The following IL1RAPL1 variants were observed in gnomAD, a reference collection of about 807,000 sequenced individuals.
IL1RAPL1 encodes interleukin-1 receptor accessory protein-like 1.
IL1RAPL1 carries 3 observed loss-of-function variants against 48.4 expected under a neutral mutation model. That is an observed-to-expected ratio of 0.06 (90% confidence interval 0.03 to 0.16). The LOEUF (loss-of-function observed/expected upper bound fraction) is 0.16, where lower values mean the gene tolerates loss of function less well. Among genes scored for constraint, IL1RAPL1 ranks in the 10% least tolerant of loss-of-function variants. The pLI is 1.00. For missense variants in IL1RAPL1, 349 were observed against 530.6 expected (o/e 0.66, Z 3.36); for synonymous variants, 185 against 187.7 (o/e 0.99, Z 0.12).
At chrX:29,784,943 AAG>A (rs962084673) in intron 6 of IL1RAPL1, among the ~76,000 whole-genome samples, 2 of 112,121 alleles carry the variant, frequency 1.8e-5, no homozygotes, top group African/African-American at 6.5e-5. Context: ...GTTCAATACT[AAG>A]ACATTGATAC....
intron 1 of IL1RAPL1, among the ~76,000 whole-genome samples, chrX:28,714,786 G>A (rs1935483015): frequency 8.9e-6 from 1 of 112,070 alleles, no homozygotes; most frequent in Non-Finnish European, 1.9e-5. Context: ...ATGGATGGCT[G>A]AGCTTTTCTG....
intron 6 of IL1RAPL1, among the ~76,000 whole-genome samples, chrX:29,790,307 T>C (rs973090448): frequency 8.9e-6 from 1 of 111,982 alleles, no homozygotes; most frequent in East Asian, 2.8e-4. Flanking sequence ...TTAATTTCTG[T>C]TTAATTCCCC....
intron 1 of IL1RAPL1, among the ~76,000 whole-genome samples, chrX:28,742,291 CA>C (rs1461031500): frequency 9.0e-6 from 1 of 111,093 alleles, no homozygotes; most frequent in Non-Finnish European, 1.9e-5. Context: ...AGACGGCAAC[CA>C]AAGACTAAAA....
chrX:29,445,183 A>G (rs1046387170), intron 5 of IL1RAPL1, among the ~76,000 whole-genome samples: 7 of 111,838 alleles, frequency 6.3e-5, no homozygotes, highest in African/African-American at 2.0e-4. Flanking sequence ...AGTCATATAA[A>G]CCTCTATTTT....
intron 6 of IL1RAPL1, among the ~76,000 whole-genome samples, chrX:29,852,739 A>G (rs896818949): frequency 2.7e-5 from 3 of 111,742 alleles, no homozygotes; most frequent in Admixed American, 9.5e-5. Context: ...ATTAGCTTCA[A>G]TTTTCAAGAG....
At chrX:29,499,083 G>C (rs1258075851) in intron 5 of IL1RAPL1, among the ~76,000 whole-genome samples, 1 of 111,804 alleles carries the variant, frequency 8.9e-6, no homozygotes, top group East Asian at 2.8e-4. Context: ...ATAATATCTT[G>C]GGTCTCAACA....
chrX:28,627,141 A>C (rs1236607929), intron 1 of IL1RAPL1, among the ~76,000 whole-genome samples: 1 of 112,158 alleles, frequency 8.9e-6, no homozygotes, highest in Non-Finnish European at 1.9e-5. Context: ...TGTGCATTTT[A>C]AACAGTTCTC....
intron 2 of IL1RAPL1, among the ~76,000 whole-genome samples, chrX:28,890,478 G>C (rs1922743778): frequency 9.0e-6 from 1 of 111,241 alleles, no homozygotes; most frequent in Admixed American, 9.6e-5. Context: ...AATATTCAAA[G>C]CACCAAGGAA....
intron 2 of IL1RAPL1, among the ~76,000 whole-genome samples, chrX:28,987,534 A>AC (rs1925503840): frequency 9.0e-6 from 1 of 111,574 alleles, no homozygotes; most frequent in Non-Finnish European, 1.9e-5. Flanking sequence ...ACACACACAC[A>AC]CTTGCATTTC....
intron 1 of IL1RAPL1, among the ~76,000 whole-genome samples, chrX:28,721,549 G>A (rs150244016): frequency 2.7e-5 from 3 of 111,291 alleles, no homozygotes; most frequent in Non-Finnish European, 5.6e-5. Context: ...TAGGTTGCCT[G>A]TGCACTCTGA....
intron 5 of IL1RAPL1, 139 bp downstream of exon 5, chrX:29,399,447 A>G (rs1224680901): frequency 1.3e-4 from 64 of 506,308 alleles, no homozygotes; most frequent in Non-Finnish European, 1.6e-4. Context: ...GGTGAAATTT[A>G]TTCCTCCTTG....
chrX:29,302,984 G>A (rs911551583), intron 3 of IL1RAPL1, among the ~76,000 whole-genome samples: 3 of 112,177 alleles, frequency 2.7e-5, no homozygotes, highest in South Asian at 3.7e-4. Flanking sequence ...AGTTATACCC[G>A]AAGGGAGAGG....
chrX:29,221,620 T>TAC (rs35088625), intron 2 of IL1RAPL1, among the ~76,000 whole-genome samples: 2,649 of 79,307 alleles, frequency 0.033, 34 homozygotes, highest in South Asian at 0.071. Flanking sequence ...TACACACACA[T>TAC]ACACACACAC....
chrX:28,983,910 A>G (rs1438630521), intron 2 of IL1RAPL1, among the ~76,000 whole-genome samples: 4 of 112,184 alleles, frequency 3.6e-5, no homozygotes, highest in South Asian at 7.4e-4. Flanking sequence ...AGTACAAACA[A>G]CTACAGAGAA....
chrX:28,791,578 A>G (rs1198319254), intron 2 of IL1RAPL1, among the ~76,000 whole-genome samples: 1 of 112,111 alleles, frequency 8.9e-6, no homozygotes, highest in Non-Finnish European at 1.9e-5. Flanking sequence ...ACGTAATTAT[A>G]TAATACCTTC....
At chrX:29,078,053 G>A (rs954360730) in intron 2 of IL1RAPL1, among the ~76,000 whole-genome samples, 16 of 112,145 alleles carry the variant, frequency 1.4e-4, no homozygotes, top group South Asian at 3.7e-4. Context: ...CGAGGCAGGC[G>A]GATCACCTGA....
chrX:29,530,853 T>G (rs1246710571), intron 5 of IL1RAPL1, among the ~76,000 whole-genome samples: 1 of 112,170 alleles, frequency 8.9e-6, no homozygotes, highest in Non-Finnish European at 1.9e-5. Context: ...CTGAACTGAA[T>G]TATTATTTTT....
chrX:29,006,598 G>A (rs781382507), intron 2 of IL1RAPL1, among the ~76,000 whole-genome samples: 28 of 106,404 alleles, frequency 2.6e-4, no homozygotes, highest in Non-Finnish European at 4.4e-4. Flanking sequence ...TCTGGTATCC[G>A]TTCCATCCTT....
chrX:29,397,194 A>G (rs1407715831), intron 4 of IL1RAPL1, among the ~76,000 whole-genome samples: 1 of 112,204 alleles, frequency 8.9e-6, no homozygotes, highest in Non-Finnish European at 1.9e-5. Flanking sequence ...TTTTATACAT[A>G]GTTTAAAGAA....
Sources: gnomAD v4.1 joint callset for allele counts (sites outside exome capture counted in the v4.1 genomes callset) on GRCh38, gnomAD v4.1.1 for gene constraint, MANE v1.5 for transcripts, NCBI Gene and HGNC (gene_info 2026-07-23, HGNC 2026-07-21) for gene names.